MFSD2B: variants seen among roughly 807,000 people sequenced by gnomAD.
MFSD2B encodes the protein MFSD2 lysolipid transporter B, sphingolipid.
Under a neutral mutation model 58.4 loss-of-function variants are expected in MFSD2B, and 56 were observed. The ratio of observed to expected loss-of-function variants is 0.96; its 90% CI spans 0.77 to 1.20. The LOEUF (loss-of-function observed/expected upper bound fraction) is 1.20. MFSD2B is among the 50% of genes most tolerant of loss of function. The probability of loss-of-function intolerance (pLI) is 0.00; values close to 1 mark genes in which losing one functional copy is unlikely to be tolerated. For missense variants in MFSD2B, 645 were observed against 667.6 expected (o/e 0.97, Z 0.37); for synonymous variants, 287 against 294.4 (o/e 0.97, Z 0.26).
At position 24,021,383 on chromosome 2, in the gene MFSD2B, G is replaced by A. The variant is rs1449023389; in HGVS notation, c.682-265G>A. On this transcript the variant is annotated intron_variant, in intron 6 of 13. Transcript: ENST00000338315. The surrounding 1 kb of genome is among the most constrained non-coding windows in gnomAD (Gnocchi z 5.7). The stretch of plus-strand genomic sequence containing the variant: ...TCAATGTTTGCTTCATAGAATGTGG[G>A]AAGGAGCACTTTGGCTCCTGGGGCA... Among the ~76,000 whole-genome samples, 1 of 152,192 alleles carries A rather than the reference G, an allele frequency of 6.6e-6. No individual in the cohort carries two copies. The highest frequency in any genetic ancestry group is 2.4e-5 in the African/African-American group (1 of 41,450).
chr2:24,021,833 CGCTTCT>C lies in MFSD2B; in HGVS notation c.773-13_773-8del. The C allele has an allele frequency of 1.2e-6, 2 of 1,613,662 alleles. No individual in the cohort carries two copies. Among genetic ancestry groups the C allele is most frequent in the African/African-American group, 2.7e-5 (2 of 75,042 alleles). ...TGAACTCTGCGAAGCCAAGGTGACA[CGCTTCT>C]GCGTTGCAGACCCCTCTGCCCCAGC... On this transcript the variant is annotated splice_polypyrimidine_tract_variant and intron_variant, in intron 7 of 13. Transcript: ENST00000338315. This position sits in a 1 kb window ranked among gnomAD's most constrained non-coding sequence, Gnocchi z 5.7.
chr2:24,014,239 C>T (rs1205422965), intron 2 of MFSD2B, among the ~76,000 whole-genome samples: 2 of 152,136 alleles, frequency 1.3e-5, no homozygotes, highest in African/African-American at 4.8e-5. Context: ...GTCTTGAACT[C>T]CTGACCTCGT....
rs541718474 is a variant in MFSD2B, at chr2:24,016,081, A to ATGG, written c.223-74_223-72dup. ...TCCCGGTTCCCAGGCCTCCCTCTTGATGGCAAGCAGGCCTGGATGGGCTCT... is the reference window on the plus strand; with the variant it reads ...TCCCGGTTCCCAGGCCTCCCTCTTGATGGTGGCAAGCAGGCCTGGATGGGCTCT... On this transcript the variant is annotated intron_variant, in intron 2 of 13. Coordinates refer to ENST00000338315, the MANE Select transcript of MFSD2B (RefSeq NM_001346880.2). 3.5e-3 allele frequency: 5,567 copies of ATGG among 1,584,060 alleles called. 35 individuals carry two copies. Among genetic ancestry groups the ATGG allele is most frequent in the Middle Eastern group, 8.7e-3 (39 of 4,492 alleles).
chr2:24,013,445 T>C, intron 2 of MFSD2B, 35 bp downstream of exon 2: 3 of 1,568,808 alleles, frequency 1.9e-6, no homozygotes, highest in Non-Finnish European at 2.6e-6. Context: ...TCTGCTGGCA[T>C]CTTCCTTGGG....
intron 3 of MFSD2B, 49 bp downstream of exon 3, chr2:24,016,329 GA>G: frequency 6.3e-7 from 1 of 1,585,834 alleles, no homozygotes. Flanking sequence ...TCCTGGCCCT[GA>G]GGTCACTGTT....
Position 24,016,919 on chromosome 2 carries a change from G to C in MFSD2B, c.422G>C (p.Arg141Pro), listed in dbSNP as rs751028763. The change falls in exon 4 of 14, where the codon CGA becomes CCA. Residue 141 changes from arginine to proline, a missense_variant. Arg to Pro is a moderately radical substitution (Grantham distance 103, BLOSUM62 -2). Coordinates refer to ENST00000338315, the MANE Select transcript of MFSD2B (RefSeq NM_001346880.2). ...LWFLPPFTSLRGLWYTTFYCL... is the reference protein window; with the variant it reads ...LWFLPPFTSLPGLWYTTFYCL... ...TTCCTGCCCCCCTTCACCAGCCTGC[G>C]AGGCCTCTGGTACACGACTTTCTAC... 1.9e-6 allele frequency: 3 copies of C among 1,613,916 alleles called. No individual in the cohort carries two copies. Among genetic ancestry groups the C allele is most frequent in the Non-Finnish European group, 1.7e-6 (2 of 1,179,870 alleles).
chr2:24,021,724 T>A lies in MFSD2B; in HGVS notation c.758T>A (p.Val253Glu). 1 of 1,613,406 alleles carries A rather than the reference T, an allele frequency of 6.2e-7. No individual in the cohort carries two copies. Residue 253 changes from valine to glutamate, a missense_variant, in exon 7 of 14, where the codon GTG becomes GAG. Physicochemically the swap from Val to Glu is moderately radical, Grantham distance 121 (BLOSUM62 -2). Coordinates refer to ENST00000338315, the MANE Select transcript of MFSD2B (RefSeq NM_001346880.2). The surrounding 1 kb of genome is among the most constrained non-coding windows in gnomAD (Gnocchi z 5.7). ...PVCISLLCLGVKERPDPSAPA... is the reference protein window; with the variant it reads ...PVCISLLCLGEKERPDPSAPA... ...TGCATCAGTTTACTGTGCCTAGGGG[T>A]GAAGGAGCGGCCAGGTATGGGGTTT...
Position 24,017,305 on chromosome 2 carries a change from C to G in MFSD2B, c.491C>G (p.Thr164Arg). 6.2e-7 allele frequency: 1 copy of G among 1,604,084 alleles called. No individual in the cohort carries two copies. Among genetic ancestry groups the G allele is most frequent in the East Asian group, 2.3e-5 (1 of 44,270 alleles). Residue 164 changes from threonine (T) to arginine (R), a missense_variant, in exon 5 of 14, where the codon ACA becomes AGA. By Grantham distance (71) the Thr-to-Arg change is moderately conservative. Coordinates refer to ENST00000338315, the MANE Select transcript of MFSD2B (RefSeq NM_001346880.2). This position sits in a 1 kb window ranked among gnomAD's most constrained non-coding sequence, Gnocchi z 4.8. ...ALATFFQVPY[T>R]ALTMLLTPCP... is the part of the protein sequence containing the mutation. ...CCCCAGTTCTTCCAGGTGCCCTACA[C>G]AGCGCTCACCATGCTGCTGACTCCC...
In MFSD2B at chr2:24,010,135, G is replaced by T; in HGVS notation, c.39G>T (p.Pro13=). 2.5e-5 allele frequency: 36 copies of T among 1,462,638 alleles called. No homozygotes were observed. The highest frequency in any genetic ancestry group is 3.2e-5 in the Non-Finnish European group (36 of 1,113,738). The allele number at this position is 1,462,638 out of a possible 1,614,324, so 90.6% of individuals were successfully genotyped here. A position where few individuals can be genotyped will look rare whatever the true frequency, so the allele number is the denominator to read the frequency against. ...APPAPAAKGS[P]QPEPHAPEPG... The stretch of plus-strand genomic sequence containing the variant: ...CTGCACCAGCCGCCAAGGGGTCCCC[G>T]CAGCCGGAGCCGCACGCCCCAGAGC... The change falls in exon 1 of 14, where the codon CCG becomes CCT. Residue 13 remains proline (P), a synonymous_variant. Coordinates refer to ENST00000338315, the MANE Select transcript of MFSD2B (RefSeq NM_001346880.2).
intron 6 of MFSD2B, among the ~76,000 whole-genome samples, chr2:24,018,920 G>A (rs557726896): frequency 6.9e-6 from 1 of 144,322 alleles, no homozygotes; most frequent in South Asian, 2.1e-4. Context: ...GCGCAATCTC[G>A]GCTCACTGCA....
At position 24,012,164 on chromosome 2, in the gene MFSD2B, ACAC is replaced by A. The variant is rs1708977451; in HGVS notation, c.97-1120_97-1118del. 1.5e-5 allele frequency among the ~76,000 whole-genome samples: 1 copy of A among 68,386 alleles called. No individual in the cohort carries two copies. The highest frequency in any genetic ancestry group is 2.3e-4 in the Admixed American group (1 of 4,300). 44.9% of individuals were successfully genotyped at this position (68,386 alleles called of 152,430 possible). Reference sequence around the variant, plus strand: ...ACAAACAAACAAAACACACACACACACACACACACACACACAAAAACAGACAAA... The same window carrying A: ...ACAAACAAACAAAACACACACACACAACACACACACACAAAAACAGACAAA... On this transcript the variant is annotated intron_variant, in intron 1 of 13. Coordinates refer to ENST00000338315, the MANE Select transcript of MFSD2B (RefSeq NM_001346880.2). This position sits in a 1 kb window ranked among gnomAD's most constrained non-coding sequence, Gnocchi z 4.5.
Position 24,010,095 on chromosome 2 carries a change from C to A in MFSD2B, c.-2C>A. 1 of 1,431,596 alleles carries A rather than the reference C, an allele frequency of 7.0e-7. No homozygotes were observed. Among genetic ancestry groups the A allele is most frequent in the Non-Finnish European group, 9.1e-7 (1 of 1,098,908 alleles). 88.7% of individuals were successfully genotyped at this position (1,431,596 alleles called of 1,614,324 possible). A position where few individuals can be genotyped will look rare whatever the true frequency, so the allele number is the denominator to read the frequency against. The stretch of plus-strand genomic sequence containing the variant: ...ACGGCCGCGGGCGGCGCTGCGGTGG[C>A]AATGGCGGCGCCCCCTGCACCAGCC... On this transcript the variant is annotated 5_prime_UTR_variant, in exon 1 of 14. Transcript: ENST00000338315.
chr2:24,016,050 CT>C, intron 2 of MFSD2B, 105 bp from the exon 3 acceptor site: 1 of 1,411,486 alleles, frequency 7.1e-7, no homozygotes, highest in South Asian at 1.2e-5. Context: ...TGGCTCTGCC[CT>C]CCGGTCCCGG....
At chr2:24,011,074 C>T (rs898702013) in intron 1 of MFSD2B, among the ~76,000 whole-genome samples, 1 of 152,206 alleles carries the variant, frequency 6.6e-6, no homozygotes, top group Non-Finnish European at 1.5e-5. Context: ...GGGGTGGCAG[C>T]CCCGGTCACT....
chr2:24,022,106 G>C lies in MFSD2B; in HGVS notation c.894+136G>C. ...ACATGGCTCAGAGGGGCTGGTGCCG[G>C]GAGGGAGATCCCGGTAGGGCTTGTG... On this transcript the variant is annotated intron_variant, in intron 8 of 13. Transcript: ENST00000338315. This position sits in a 1 kb window ranked among gnomAD's most constrained non-coding sequence, Gnocchi z 4.5. 9.3e-7 allele frequency: 1 copy of C among 1,070,814 alleles called. No homozygotes were observed. The highest frequency in any genetic ancestry group is 1.4e-6 in the Non-Finnish European group (1 of 731,232). The allele number at this position is 1,070,814 out of a possible 1,614,324, so 66.3% of individuals were successfully genotyped here.
chr2:24,021,812 C>G lies in MFSD2B; in HGVS notation c.773-37C>G, dbSNP rs536416317. ...CTTGGGGGCAGGTTTTGCTTTTGAA[C>G]TCTGCGAAGCCAAGGTGACACGCTT... On this transcript the variant is annotated intron_variant, in intron 7 of 13. Transcript: ENST00000338315. This position sits in a 1 kb window ranked among gnomAD's most constrained non-coding sequence, Gnocchi z 5.7. 1 of 1,613,180 alleles carries G rather than the reference C, an allele frequency of 6.2e-7. No homozygotes were observed. The highest frequency in any genetic ancestry group is 8.5e-7 in the Non-Finnish European group (1 of 1,179,418).
chr2:24,012,384 T>A lies in MFSD2B; in HGVS notation c.97-901T>A, dbSNP rs1708990126. 6.6e-6 allele frequency among the ~76,000 whole-genome samples: 1 copy of A among 152,108 alleles called. No homozygotes were observed. The highest frequency in any genetic ancestry group is 1.5e-5 in the Non-Finnish European group (1 of 68,016). On this transcript the variant is annotated intron_variant, in intron 1 of 13. Coordinates refer to ENST00000338315, the MANE Select transcript of MFSD2B (RefSeq NM_001346880.2). The surrounding 1 kb of genome is among the most constrained non-coding windows in gnomAD (Gnocchi z 4.5). ...GCCTCAGCCTCCTGAGTAGCTGGGA[T>A]TACAGGCGGCCACTATGCCTGGCTA...
At position 24,020,608 on chromosome 2, in the gene MFSD2B, G is replaced by A. The variant is rs996657185; in HGVS notation, c.682-1040G>A. Among the ~76,000 whole-genome samples the A allele has an allele frequency of 6.6e-6, 1 of 152,188 alleles. No homozygotes were observed. The highest frequency in any genetic ancestry group is 1.5e-5 in the Non-Finnish European group (1 of 68,044). The stretch of plus-strand genomic sequence containing the variant: ...AGGGTCTTACTCTGCCACCCAGGCT[G>A]GAGTGCAATGGTGCAATCACAGCTC... On this transcript the variant is annotated intron_variant, in intron 6 of 13. Coordinates refer to ENST00000338315, the MANE Select transcript of MFSD2B (RefSeq NM_001346880.2). The surrounding 1 kb of genome is among the most constrained non-coding windows in gnomAD (Gnocchi z 4.1).
chr2:24,026,131 G>A lies in MFSD2B; in HGVS notation c.*675G>A, dbSNP rs999770823. The A allele has an allele frequency of 1.3e-5, 2 of 152,496 alleles. No individual in the cohort carries two copies. Among genetic ancestry groups the A allele is most frequent in the African/African-American group, 4.8e-5 (2 of 41,442 alleles). The allele number at this position is 152,496 out of a possible 1,614,324, so 9.4% of individuals were successfully genotyped here. On this transcript the variant is annotated 3_prime_UTR_variant, in exon 14 of 14. Transcript: ENST00000338315. The stretch of plus-strand genomic sequence containing the variant: ...AGCATTTCTTAAGGACAAAATTGGT[G>A]TGTAAGTAACAGGAAATTCACATTA...
Sources: allele counts gnomAD v4.1 joint callset (sites outside exome capture counted in the v4.1 genomes callset), GRCh38; gene constraint gnomAD v4.1.1; non-coding constraint Gnocchi (gnomAD v3.1); transcripts MANE v1.5; gene names NCBI Gene and HGNC (gene_info 2026-07-23, HGNC 2026-07-21).